The following ADGRL2 variants were observed in gnomAD, a reference collection of about 807,000 sequenced individuals.
ADGRL2 encodes the protein adhesion G protein-coupled receptor L2, also known as calcium-independent alpha-latrotoxin receptor 2.
A neutral mutation model predicts 157.4 loss-of-function variants in ADGRL2; 44 were observed. The ratio of observed to expected loss-of-function variants is 0.28; its 90% CI spans 0.22 to 0.36. ADGRL2 has a LOEUF of 0.36. Ranked by LOEUF, ADGRL2 falls within the 10% of genes least tolerant of loss-of-function variation. The pLI is 1.00. For synonymous variants in ADGRL2, 585 were observed against 624.7 expected, an observed-to-expected ratio of 0.94 and a Z score of 0.95; for missense variants, 1,510 against 1,768.9, an observed-to-expected ratio of 0.85 and a Z score of 2.63.
chr1:81,985,446 T>A (rs748340551), intron 21 of ADGRL2, 91 bp downstream of exon 21: 2 of 638,300 alleles, frequency 3.1e-6, no homozygotes, highest in Non-Finnish European at 5.4e-6. Context: ...AAATATAATT[T>A]TAAACTGCAT....
At chr1:81,745,883 A>AT (rs1314153204) in intron 1 of ADGRL2, among the ~76,000 whole-genome samples, 2 of 152,088 alleles carry the variant, frequency 1.3e-5, no homozygotes, top group Admixed American at 6.6e-5. Context: ...TACTCTTGTG[A>AT]TTTTGTCTAT....
chr1:81,513,801 T>A (rs1351627170), intron 2 of ADGRL2: 1 of 152,198 alleles, frequency 6.6e-6, no homozygotes, highest in African/African-American at 2.4e-5. Context: ...AGAGGAAATG[T>A]TTCTAAAATA....
At chr1:81,470,696 A>G (rs150408091) in intron 2 of ADGRL2, among the ~76,000 whole-genome samples, 3 of 152,326 alleles carry the variant, frequency 2.0e-5, no homozygotes, top group South Asian at 2.1e-4. Context: ...TTGAACACAC[A>G]TACATGTCAC....
At chr1:81,908,365 G>C (rs895399219) in intron 3 of ADGRL2, among the ~76,000 whole-genome samples, 11 of 152,104 alleles carry the variant, frequency 7.2e-5, no homozygotes, top group African/African-American at 2.7e-4. Flanking sequence ...ATATTTTCCA[G>C]ATTGGCTTAT....
At chr1:81,971,218 CAA>C (rs1422713352) in intron 16 of ADGRL2, among the ~76,000 whole-genome samples, 1 of 151,986 alleles carries the variant, frequency 6.6e-6, no homozygotes, top group African/African-American at 2.4e-5. Context: ...TGATGAAAGA[CAA>C]AAGAAATTCA....
rs201201668 is a variant in ADGRL2, at chr1:81,993,058, CATATATAT to C, written c.*1936_*1943del. Among the ~76,000 whole-genome samples the C allele has an allele frequency of 7.5e-3, 306 of 40,848 alleles. 2 individuals are homozygous for C. The highest frequency in any genetic ancestry group is 0.033 in the African/African-American group (226 of 6,808). The allele number at this position is 40,848 out of a possible 152,430, so 26.8% of individuals were successfully genotyped here. The stretch of plus-strand genomic sequence containing the variant: ...AAATTAAGTGCATATATATAATATA[CATATATAT>C]ATATATATATATATATATATATTTT... On this transcript the variant is annotated 3_prime_UTR_variant, in exon 24 of 24. Coordinates refer to ENST00000686636, the MANE Select transcript of ADGRL2 (RefSeq NM_001366006.2).
chr1:81,755,836 C>T (rs1191048008), intron 1 of ADGRL2, among the ~76,000 whole-genome samples: 3 of 151,990 alleles, frequency 2.0e-5, no homozygotes, highest in Non-Finnish European at 4.4e-5. Context: ...TAAGCCCAAA[C>T]GACTCTATCT....
Position 81,991,408 on chromosome 1 carries a change from C to T in ADGRL2, c.*263C>T. 1 of 293,582 alleles carries T rather than the reference C, an allele frequency of 3.4e-6. No individual in the cohort carries two copies. Among genetic ancestry groups the T allele is most frequent in the Non-Finnish European group, 6.4e-6 (1 of 156,856 alleles). 18.2% of individuals were successfully genotyped at this position (293,582 alleles called of 1,614,324 possible). A position where few individuals can be genotyped will look rare whatever the true frequency, so the allele number is the denominator to read the frequency against. Reference sequence around the variant, plus strand: ...AGCCAGGTATTTTAAGATTCTGCTGCTGTTTAGAGAAATTGTGAAACAAGC... The same window carrying T: ...AGCCAGGTATTTTAAGATTCTGCTGTTGTTTAGAGAAATTGTGAAACAAGC... On this transcript the variant is annotated 3_prime_UTR_variant, in exon 24 of 24. Transcript: ENST00000686636.
chr1:81,352,202 G>A (rs1662948979), intron 1 of ADGRL2, among the ~76,000 whole-genome samples: 1 of 152,210 alleles, frequency 6.6e-6, no homozygotes, highest in South Asian at 2.1e-4. Context: ...AAGTTAAAGA[G>A]TTGAGGGTGA....
intron 1 of ADGRL2, among the ~76,000 whole-genome samples, chr1:81,759,413 A>T (rs1212438044): frequency 6.6e-6 from 1 of 152,178 alleles, no homozygotes; most frequent in African/African-American, 2.4e-5. Flanking sequence ...AGCTTAGATC[A>T]CTTTGCTTCT....
In ADGRL2 at chr1:81,663,443, G is replaced by A. The variant is rs536093575; in HGVS notation, c.-143+82463G>A. The stretch of plus-strand genomic sequence containing the variant: ...CCTTCTTTGAGTTCATATTTTGTAT[G>A]ACTCTCGGGAATGCTTGTGCTAGTT... On this transcript the variant is annotated intron_variant, in intron 3 of 24. Coordinates refer to the ADGRL2 transcript ENST00000370721. Among the ~76,000 whole-genome samples, 103 of 152,236 alleles carry A rather than the reference G, an allele frequency of 6.8e-4. 1 individual carries two copies. Among genetic ancestry groups the A allele is most frequent in the African/African-American group, 2.2e-3 (90 of 41,544 alleles).
At chr1:81,507,376 G>A (rs2078996964) in intron 2 of ADGRL2, among the ~76,000 whole-genome samples, 1 of 152,162 alleles carries the variant, frequency 6.6e-6, no homozygotes, top group African/African-American at 2.4e-5. Context: ...AGTGCAGATA[G>A]GGAAATTGCT....
At chr1:81,884,375 A>T (rs534293124) in intron 2 of ADGRL2, among the ~76,000 whole-genome samples, 183 of 152,280 alleles carry the variant, frequency 1.2e-3, no homozygotes, top group Non-Finnish European at 1.7e-3. Context: ...TTATGTGTTG[A>T]CTGAATATAG....
At chr1:81,356,061 C>A (rs1165118671) in intron 1 of ADGRL2, among the ~76,000 whole-genome samples, 1 of 152,020 alleles carries the variant, frequency 6.6e-6, no homozygotes, top group Non-Finnish European at 1.5e-5. Context: ...ATGAAATTAC[C>A]CTATCGGGTA....
chr1:81,428,924 C>G (rs1475531107), intron 1 of ADGRL2, among the ~76,000 whole-genome samples: 1 of 152,046 alleles, frequency 6.6e-6, no homozygotes, highest in Non-Finnish European at 1.5e-5. Flanking sequence ...TTCTTTATTT[C>G]AAGGTACTCA....
intron 2 of ADGRL2, among the ~76,000 whole-genome samples, chr1:81,558,372 A>G (rs192875012): frequency 1.3e-5 from 2 of 152,340 alleles, no homozygotes; most frequent in African/African-American, 4.8e-5. Context: ...AATACTAAAA[A>G]AAAATTTCTC....
chr1:81,757,593 T>C lies in ADGRL2; in HGVS notation c.-142-4218T>C, dbSNP rs879876243. On this transcript the variant is annotated intron_variant, in intron 1 of 20. Transcript: ENST00000359929. ...AATTTCTGTACATCACTTCCCTTTT[T>C]TGTCTATAAATCTTCTTCCATCACG... Among the ~76,000 whole-genome samples, 8 of 152,218 alleles carry C rather than the reference T, an allele frequency of 5.3e-5. No homozygotes were observed. The East Asian group carries it at 7.7e-4, about 15-fold the overall frequency.
At chr1:81,401,617 G>C (rs2076757383) in intron 1 of ADGRL2, among the ~76,000 whole-genome samples, 1 of 152,168 alleles carries the variant, frequency 6.6e-6, no homozygotes, top group Non-Finnish European at 1.5e-5. Context: ...GGAGCTTCTA[G>C]TTGACCATCT....
chr1:81,346,762 C>A (rs1277122627), intron 1 of ADGRL2, among the ~76,000 whole-genome samples: 1 of 152,164 alleles, frequency 6.6e-6, no homozygotes, highest in African/African-American at 2.4e-5. Flanking sequence ...GCCTCTAGAA[C>A]TATGAGAAAT....
Sources: allele counts gnomAD v4.1 joint callset (sites outside exome capture counted in the v4.1 genomes callset), GRCh38; gene constraint gnomAD v4.1.1; transcripts MANE v1.5; gene names NCBI Gene and HGNC (gene_info 2026-07-23, HGNC 2026-07-21).